The following MUC6 variants were observed in gnomAD, a reference collection of about 807,000 sequenced individuals.
MUC6 encodes mucin-6.
In MUC6, 188 loss-of-function variants were observed where a neutral mutation model predicts 201.5. The observed-to-expected ratio is 0.93, with a 90% CI of 0.83 to 1.05. The LOEUF is 1.05. Ranked by LOEUF, MUC6 falls within the 50% of genes least tolerant of loss-of-function variation. The pLI is 0.00. For missense variants in MUC6, 2,706 were observed against 3,256.9 expected (o/e 0.83, Z 4.12); for synonymous variants, 1,228 against 1,389.4 (o/e 0.88, Z 2.58).
chr11:1,018,571 AG>A lies in MUC6; in HGVS notation c.4229del (p.Pro1410LeufsTer46). On this transcript the variant is annotated frameshift_variant, in exon 31 of 33. Coordinates refer to ENST00000421673, the MANE Select transcript of MUC6 (RefSeq NM_005961.3). LOFTEE classifies it high-confidence loss of function. The part of the protein sequence containing the change: ...PQTPHTTHSP[P>X]TAGSPVPSTG... Reference sequence around the variant, plus strand: ...TGGAAGGGACGGGACTCCCCGCCGTAGGCGGGGAGTGTGTGGTGTGTGGGGT... The same window carrying A: ...TGGAAGGGACGGGACTCCCCGCCGTAGCGGGGAGTGTGTGGTGTGTGGGGT... 1 of 1,611,382 alleles carries A rather than the reference AG, an allele frequency of 6.2e-7. No homozygotes were observed. Among genetic ancestry groups the A allele is most frequent in the Non-Finnish European group, 8.5e-7 (1 of 1,178,780 alleles).
Position 1,026,063 on chromosome 11 carries a change from G to T in MUC6, c.2625C>A (p.His875Gln). The T allele has an allele frequency of 6.3e-7, 1 of 1,595,948 alleles. No homozygotes were observed. Among genetic ancestry groups the T allele is most frequent in the Non-Finnish European group, 8.5e-7 (1 of 1,171,750 alleles). Reference sequence around the variant, plus strand: ...AGCGCTGGCCGTCGAAGGTGATGACGTGGCCCTCCCCGTAGAGGGTGCAGG... The same window carrying T: ...AGCGCTGGCCGTCGAAGGTGATGACTTGGCCCTCCCCGTAGAGGGTGCAGG... Reference protein sequence around the residue: ...PSTCTLYGEGHVITFDGQRFV... With the variant: ...PSTCTLYGEGQVITFDGQRFV... Residue 875 changes from histidine (H) to glutamine (Q), a missense_variant, in exon 21 of 33, where the codon CAC (histidine) becomes CAA (glutamine). His to Gln is a conservative substitution (Grantham distance 24). This residue lies in a region of MUC6 where 1,850 missense variants were observed against 1,958.3 expected (regional missense o/e 0.94). Coordinates refer to ENST00000421673, the MANE Select transcript of MUC6 (RefSeq NM_005961.3).
intron 24 of MUC6, among the ~76,000 whole-genome samples, chr11:1,024,579 C>A (rs1343813166): frequency 6.6e-6 from 1 of 152,234 alleles, no homozygotes; most frequent in African/African-American, 2.4e-5. Context: ...GCGATGCTGC[C>A]CCAGGGGACT....
Position 1,031,613 on chromosome 11 carries a change from G to A in MUC6, c.477C>T (p.His159=). 6.5e-7 allele frequency: 1 copy of A among 1,548,438 alleles called. No homozygotes were observed. The highest frequency in any genetic ancestry group is 1.2e-5 in the South Asian group (1 of 83,994). Reference sequence around the variant, plus strand: ...CTGGCCCTTCTCTCCTCACCATGAGGTGGCTGTCAGGACCCCACACGACTT... The same window carrying A: ...CTGGCCCTTCTCTCCTCACCATGAGATGGCTGTCAGGACCCCACACGACTT... ...ELEVVWGPDS[H]LMVLVERKYM... is the part of the protein sequence containing the mutation. The change falls in exon 4 of 33, where the codon CAC becomes CAT. Residue 159 remains histidine, a synonymous_variant. Transcript: ENST00000421673.
At chr11:1,032,192 C>T (rs1256255867) in intron 2 of MUC6, 139 bp from the exon 3 acceptor site, 7 of 1,176,628 alleles carry the variant, frequency 5.9e-6, no homozygotes, top group East Asian at 2.6e-5. Context: ...CCCAGACATC[C>T]GATGAACCTG....
chr11:1,013,191 C>T lies in MUC6; in HGVS notation c.*265G>A. ...CGGTGGGCAGGGGTGGTCGGGAGTG[C>T]CCTGTGTGCCTGGGAGGTCCGTGAC... On this transcript the variant is annotated 3_prime_UTR_variant, in exon 33 of 33. Coordinates refer to ENST00000421673, the MANE Select transcript of MUC6 (RefSeq NM_005961.3). 3.8e-6 allele frequency: 2 copies of T among 529,804 alleles called. No individual in the cohort carries two copies. Among genetic ancestry groups the T allele is most frequent in the South Asian group, 2.6e-5 (1 of 37,780 alleles). The allele number at this position is 529,804 out of a possible 1,614,324, so 32.8% of individuals were successfully genotyped here. A position where few individuals can be genotyped will look rare whatever the true frequency, so the allele number is the denominator to read the frequency against.
chr11:1,028,591 G>T, intron 13 of MUC6, 55 bp downstream of exon 13: 11 of 1,584,048 alleles, frequency 6.9e-6, no homozygotes, highest in Non-Finnish European at 9.4e-6. Context: ...CCCTGGTCAT[G>T]GCCAGACCCT....
In MUC6 at chr11:1,017,014, T is replaced by C. The variant is rs878910224; in HGVS notation, c.5787A>G (p.Glu1929=). ...TGTTGGTGGTAGAAGTTGGGGTGAC[T>C]TCAGGATGGTGTGTTGAGGAAGTGT... ...PYHTSSTHHP[E]VTPTSTTNIT... Residue 1929 remains glutamate, a synonymous_variant, in exon 31 of 33, where the codon GAA becomes GAG. Coordinates refer to ENST00000421673, the MANE Select transcript of MUC6 (RefSeq NM_005961.3). The C allele has an allele frequency of 6.2e-7, 1 of 1,614,086 alleles. No individual in the cohort carries two copies. Among genetic ancestry groups the C allele is most frequent in the Non-Finnish European group, 8.5e-7 (1 of 1,179,884 alleles).
At chr11:1,029,638 G>A in intron 8 of MUC6, 23 bp from the exon 9 acceptor site, 1 of 1,551,734 alleles carries the variant, frequency 6.4e-7, no homozygotes, top group Non-Finnish European at 8.7e-7. Context: ...GTCTTCTTGG[G>A]GCTTGGGTGG....
intron 22 of MUC6, 77 bp from the exon 23 acceptor site, chr11:1,025,444 CAG>C: frequency 6.6e-7 from 1 of 1,517,198 alleles, no homozygotes; most frequent in Non-Finnish European, 8.9e-7. Context: ...ACCGAGCTCT[CAG>C]AGACAGAGCT....
At position 1,029,136 on chromosome 11, in the gene MUC6, G is replaced by A. The variant is rs772869980; in HGVS notation, c.1290C>T (p.Pro430=). 3.4e-5 allele frequency: 54 copies of A among 1,611,680 alleles called. No individual in the cohort carries two copies. The highest frequency in any genetic ancestry group is 4.2e-5 in the Non-Finnish European group (49 of 1,179,474). Residue 430 remains proline (P), a synonymous_variant, in exon 11 of 33, where the codon CCC becomes CCT. Transcript: ENST00000421673. ...TYILLQSPQL[P]EDGALMAVYD... is the part of the protein sequence containing the mutation. ...ACACAGCCATGAGGGCACCGTCCTC[G>A]GGAAGCTGGGGGCTCTGCGAGGGGG...
At chr11:1,013,713 G>T in intron 32 of MUC6, 80 bp from the exon 33 acceptor site, 2 of 1,473,160 alleles carry the variant, frequency 1.4e-6, no homozygotes, top group Non-Finnish European at 1.8e-6. Context: ...CAGCTGCTCC[G>T]CAGAGGCCTG....
chr11:1,025,195 G>A lies in MUC6; in HGVS notation c.2972C>T (p.Ala991Val). 1 of 1,612,052 alleles carries A rather than the reference G, an allele frequency of 6.2e-7. No homozygotes were observed. Among genetic ancestry groups the A allele is most frequent in the Non-Finnish European group, 8.5e-7 (1 of 1,179,196 alleles). The part of the protein sequence containing the change: ...NRHMTILIRI[A>V]RASQDPLCGL... ...GGCGTGCGGTACCTGGGAGGCACGG[G>A]CGATCCTGATGAGGATGGTCATGTG... is the stretch of plus-strand genomic sequence containing the variant. Residue 991 changes from alanine (A) to valine (V), a missense_variant, in exon 23 of 33, where the codon GCC (alanine) becomes GTC (valine). By Grantham distance (64) the Ala-to-Val change is moderately conservative. This residue lies in a region of MUC6 where 1,850 missense variants were observed against 1,958.3 expected (regional missense o/e 0.94). Coordinates refer to ENST00000421673, the MANE Select transcript of MUC6 (RefSeq NM_005961.3).
chr11:1,031,340 G>A (rs1295942618), intron 4 of MUC6, 81 bp from the exon 5 acceptor site: 1 of 1,355,218 alleles, frequency 7.4e-7, no homozygotes, highest in South Asian at 1.4e-5. Context: ...TCCTGCTCCT[G>A]GACCCAGAGC....
rs374952758 is a variant in MUC6, at chr11:1,020,081, G to A, written c.3808+9C>T. ...GCCCTCTCCATGGGCTCAGCTGGAG[G>A]CTCCTTACCTCCCGAGGAGGCTGTG... On this transcript the variant is annotated intron_variant, in intron 29 of 32. Transcript: ENST00000421673. 1.9e-6 allele frequency: 3 copies of A among 1,613,128 alleles called. No homozygotes were observed. Among genetic ancestry groups the A allele is most frequent in the East Asian group, 2.2e-5 (1 of 44,878 alleles).
At position 1,031,262 on chromosome 11, in the gene MUC6, G is replaced by A. The variant is rs1857097048; in HGVS notation, c.484-3C>T. The A allele has an allele frequency of 2.6e-6, 4 of 1,561,222 alleles. No homozygotes were observed. In the South Asian group the frequency reaches 3.6e-5, roughly 14 times the overall value. On this transcript the variant is annotated splice_polypyrimidine_tract_variant and splice_region_variant and intron_variant, in intron 4 of 32. Coordinates refer to ENST00000421673, the MANE Select transcript of MUC6 (RefSeq NM_005961.3). ...ATGTACTTCCGCTCCACCAGAACCTGCGGGAGACGGCTCTGCTGGGGGCCC... is the reference window on the plus strand; with the variant it reads ...ATGTACTTCCGCTCCACCAGAACCTACGGGAGACGGCTCTGCTGGGGGCCC...
Position 1,031,951 on chromosome 11 carries a change from G to C in MUC6, c.218C>G (p.Ala73Gly). The change falls in exon 3 of 33, where the codon GCC becomes GGC. Residue 73 changes from alanine to glycine, a missense_variant. Ala to Gly is a moderately conservative substitution (Grantham distance 60). This residue lies in a region of MUC6 where 1,850 missense variants were observed against 1,958.3 expected (regional missense o/e 0.94). Transcript: ENST00000421673. ...GGTGGGGAAGGCGTCCTTGCAGGTG[G>C]CCGCGAAGATGTAGTTGCACGTCCC... ...FSGTCNYIFAATCKDAFPTFS... is the reference protein window; with the variant it reads ...FSGTCNYIFAGTCKDAFPTFS... 2 of 1,613,584 alleles carry C rather than the reference G, an allele frequency of 1.2e-6. No homozygotes were observed.
chr11:1,027,629 AC>A, intron 16 of MUC6, 55 bp downstream of exon 16: 1 of 1,570,976 alleles, frequency 6.4e-7, no homozygotes, highest in Admixed American at 1.8e-5. Flanking sequence ...GTCCCAGGAC[AC>A]CCCCTCGTGA....
intron 26 of MUC6, 75 bp from the exon 27 acceptor site, chr11:1,021,352 G>GCCT: frequency 1.0e-6 from 1 of 969,072 alleles, no homozygotes; most frequent in Non-Finnish European, 1.4e-6. Flanking sequence ...TGCCCTGGCG[G>GCCT]CCTCCTTCCT....
At chr11:1,031,544 C>G in intron 4 of MUC6, 63 bp downstream of exon 4, 2 of 1,527,818 alleles carry the variant, frequency 1.3e-6, no homozygotes, top group Non-Finnish European at 1.8e-6. Flanking sequence ...CAGCCCCTCC[C>G]AAGTCCCACC....
Sources: allele counts gnomAD v4.1 joint callset (sites outside exome capture counted in the v4.1 genomes callset), GRCh38; gene constraint gnomAD v4.1.1; regional missense constraint gnomAD v4.1.1; transcripts MANE v1.5; gene names NCBI Gene and HGNC (gene_info 2026-07-23, HGNC 2026-07-21).